Variants in CAMTA1 observed in about 807,000 individuals in gnomAD.
The protein encoded by CAMTA1 is calmodulin-binding transcription activator 1.
A neutral mutation model predicts 170.9 loss-of-function variants in CAMTA1; 27 were observed. The observed-to-expected ratio is 0.16, with a 90% confidence interval of 0.12 to 0.22. CAMTA1 has a LOEUF of 0.22. Among genes scored for constraint, CAMTA1 ranks in the 10% least tolerant of loss-of-function variants. The probability of loss-of-function intolerance (pLI) is 1.00; values close to 1 mark genes in which losing one functional copy is unlikely to be tolerated. For synonymous variants in CAMTA1, 833 were observed against 891.5 expected, an observed-to-expected ratio of 0.93 and a Z score of 1.17; for missense variants, 1,619 against 2,217.2, an observed-to-expected ratio of 0.73 and a Z score of 5.42.
chr1:7,148,445 C>T (rs1014132266), intron 4 of CAMTA1, among the ~76,000 whole-genome samples: 2 of 152,064 alleles, frequency 1.3e-5, no homozygotes, highest in Admixed American at 1.3e-4. Context: ...CCACGCTCCC[C>T]GCCATGCTCC....
At chr1:7,320,308 T>G (rs1678178938) in intron 5 of CAMTA1, among the ~76,000 whole-genome samples, 1 of 152,230 alleles carries the variant, frequency 6.6e-6, no homozygotes, top group South Asian at 2.1e-4. Context: ...AGAGTTTTTG[T>G]TTTTTATTGC....
At chr1:7,428,591 C>T (rs771084491) in intron 5 of CAMTA1, among the ~76,000 whole-genome samples, 2 of 152,102 alleles carry the variant, frequency 1.3e-5, no homozygotes, top group Admixed American at 6.5e-5. Context: ...CTCCCAGCAG[C>T]GTCCCTACCA....
chr1:6,787,592 A>G (rs1278251680), intron 1 of CAMTA1, among the ~76,000 whole-genome samples: 1 of 152,242 alleles, frequency 6.6e-6, no homozygotes. Flanking sequence ...CTTTATGTGT[A>G]ATGATACAGA....
intron 5 of CAMTA1, among the ~76,000 whole-genome samples, chr1:7,408,254 G>A (rs2090444594): frequency 6.6e-6 from 1 of 152,244 alleles, no homozygotes; most frequent in African/African-American, 2.4e-5. Flanking sequence ...CCTGAGAATA[G>A]GGACCAAGCA....
rs190377614 is a variant in CAMTA1, at chr1:7,560,428, G to A, written c.511-79972G>A. Among the ~76,000 whole-genome samples the A allele has an allele frequency of 2.0e-4, 30 of 152,022 alleles. 1 individual carries two copies. The South Asian group carries it at 4.4e-3, about 22-fold the overall frequency. On this transcript the variant is annotated intron_variant, in intron 6 of 22. Coordinates refer to ENST00000303635, the MANE Select transcript of CAMTA1 (RefSeq NM_015215.4). ...GCAGCATGGGCTGGGAGCTGGAGCC[G>A]GGAACATGAGATGTTTCTGTCCTCT...
At chr1:7,108,941 A>G (rs1643864265) in intron 4 of CAMTA1, among the ~76,000 whole-genome samples, 1 of 151,768 alleles carries the variant, frequency 6.6e-6, no homozygotes. Flanking sequence ...GGCAGGATCC[A>G]CTCCCAAGCT....
intron 1 of CAMTA1, among the ~76,000 whole-genome samples, chr1:6,815,574 C>T (rs1471875314): frequency 1.3e-5 from 2 of 152,148 alleles, no homozygotes; most frequent in Non-Finnish European, 2.9e-5. Flanking sequence ...TACTAATTAT[C>T]TTGTGTGGAT....
At chr1:7,729,264 A>ACAC (rs1028510113) in intron 11 of CAMTA1, among the ~76,000 whole-genome samples, 4 of 151,874 alleles carry the variant, frequency 2.6e-5, no homozygotes, top group Non-Finnish European at 5.9e-5. Context: ...CTACAGGCAT[A>ACAC]CACCACCACA....
chr1:7,501,239 G>A (rs2094000864), intron 6 of CAMTA1, among the ~76,000 whole-genome samples: 1 of 152,150 alleles, frequency 6.6e-6, no homozygotes, highest in East Asian at 1.9e-4. Context: ...AAGGCATCAA[G>A]CTGAGAAAAG....
chr1:7,101,554 A>G (rs995716907), intron 4 of CAMTA1, among the ~76,000 whole-genome samples: 9 of 152,200 alleles, frequency 5.9e-5, no homozygotes, highest in African/African-American at 2.2e-4. Context: ...TAAACCAAAA[A>G]CAAAGGAAGG....
intron 6 of CAMTA1, among the ~76,000 whole-genome samples, chr1:7,558,385 C>G (rs1478919247): frequency 1.3e-5 from 2 of 152,218 alleles, no homozygotes; most frequent in East Asian, 3.9e-4. Context: ...TGGATGGGAC[C>G]CAGGAGCCAA....
chr1:7,190,224 T>A (rs1274796141), intron 4 of CAMTA1, among the ~76,000 whole-genome samples: 1 of 151,978 alleles, frequency 6.6e-6, no homozygotes, highest in Non-Finnish European at 1.5e-5. Context: ...TCACAAATCA[T>A]CACTAAAGAA....
At chr1:7,687,328 C>T (rs756531147) in intron 11 of CAMTA1, among the ~76,000 whole-genome samples, 16 of 151,816 alleles carry the variant, frequency 1.1e-4, no homozygotes, top group Non-Finnish European at 1.8e-4. Flanking sequence ...AAAAAAAGGA[C>T]GTGGTCAGGC....
At chr1:6,957,237 G>GC (rs1309426914) in intron 3 of CAMTA1, among the ~76,000 whole-genome samples, 1 of 152,206 alleles carries the variant, frequency 6.6e-6, no homozygotes, top group Non-Finnish European at 1.5e-5. Context: ...AATGTGGCCA[G>GC]CACTGGGACT....
chr1:7,103,811 C>A (rs1032140976), intron 4 of CAMTA1, among the ~76,000 whole-genome samples: 2 of 139,036 alleles, frequency 1.4e-5, no homozygotes, highest in Admixed American at 1.4e-4. Context: ...CATATACATA[C>A]AACTACACAC....
In CAMTA1 at chr1:7,094,825, C is replaced by T. The variant is rs567438477; in HGVS notation, c.302+3454C>T. ...GGGACCTCCGGTTTGAAAAATCACCCTGCGGAACGTGTTTTTTTGGCACTT... is the reference window on the plus strand; with the variant it reads ...GGGACCTCCGGTTTGAAAAATCACCTTGCGGAACGTGTTTTTTTGGCACTT... On this transcript the variant is annotated intron_variant, in intron 4 of 22. Transcript: ENST00000303635. Among the ~76,000 whole-genome samples the T allele has an allele frequency of 1.6e-4, 25 of 152,320 alleles. No individual in the cohort carries two copies. The South Asian group carries it at 5.0e-3, about 30-fold the overall frequency.
chr1:7,150,790 A>C (rs1319737928), intron 4 of CAMTA1, among the ~76,000 whole-genome samples: 1 of 152,178 alleles, frequency 6.6e-6, no homozygotes, highest in East Asian at 1.9e-4. Flanking sequence ...GCTTCGAGGG[A>C]AATGACCTGG....
intron 6 of CAMTA1, among the ~76,000 whole-genome samples, chr1:7,569,008 AC>A: frequency 6.6e-6 from 1 of 151,282 alleles, no homozygotes; most frequent in East Asian, 2.0e-4. Flanking sequence ...GATCCCTATC[AC>A]CATCATCATA....
At position 7,064,129 on chromosome 1, in the gene CAMTA1, TCTC is replaced by T. The variant is rs923065832; in HGVS notation, c.235-27163_235-27161del. Among the ~76,000 whole-genome samples the T allele has an allele frequency of 4.0e-5, 6 of 149,474 alleles. No individual in the cohort carries two copies. Among genetic ancestry groups the T allele is most frequent in the Admixed American group, 1.3e-4 (2 of 14,984 alleles). On this transcript the variant is annotated intron_variant, in intron 3 of 22. Coordinates refer to ENST00000303635, the MANE Select transcript of CAMTA1 (RefSeq NM_015215.4). The surrounding 1 kb of genome is among the most constrained non-coding windows in gnomAD (Gnocchi z 5.4). ...CTCCTTCCCTCCTCCTCCTTCTTCTTCTCCTCCTCCTCCTTCTCTTCTTCCCTC... is the reference window on the plus strand; with the variant it reads ...CTCCTTCCCTCCTCCTCCTTCTTCTTCTCCTCCTCCTTCTCTTCTTCCCTC...
Sources: allele counts gnomAD v4.1 joint callset (sites outside exome capture counted in the v4.1 genomes callset), GRCh38; gene constraint gnomAD v4.1.1; non-coding constraint Gnocchi (gnomAD v3.1); transcripts MANE v1.5; gene names NCBI Gene and HGNC (gene_info 2026-07-23, HGNC 2026-07-21).